SOS1: variants seen among roughly 807,000 people sequenced by gnomAD.
SOS1 encodes SOS Ras/Rac guanine nucleotide exchange factor 1.
Under a neutral mutation model 157.6 loss-of-function variants are expected in SOS1, and 25 were observed. The ratio of observed to expected loss-of-function variants is 0.16; its 90% CI spans 0.12 to 0.22. SOS1 has a LOEUF of 0.22. Among genes scored for constraint, SOS1 ranks in the 10% least tolerant of loss-of-function variants. SOS1 has a pLI of 1.00. For synonymous variants in SOS1, 528 were observed against 534.0 expected, an observed-to-expected ratio of 0.99 and a Z score of 0.16; for missense variants, 1,237 against 1,599.1, an observed-to-expected ratio of 0.77 and a Z score of 3.86.
chr2:39,010,369 A>C (rs754109849), intron 15 of SOS1, among the ~76,000 whole-genome samples: 2 of 151,510 alleles, frequency 1.3e-5, no homozygotes, highest in Non-Finnish European at 2.9e-5. Flanking sequence ...GGTGAGTGTG[A>C]TATCACACAC....
At chr2:38,995,021 C>T (rs1668845141) in intron 20 of SOS1, 102 bp downstream of exon 20, 1 of 932,648 alleles carries the variant, frequency 1.1e-6, no homozygotes, top group Admixed American at 1.9e-5. Flanking sequence ...TTTGACTTAA[C>T]TACAAGTTCA....
intron 22 of SOS1, 99 bp from the exon 23 acceptor site, chr2:38,986,414 G>A: frequency 8.6e-7 from 1 of 1,166,056 alleles, no homozygotes; most frequent in Non-Finnish European, 1.2e-6. Flanking sequence ...GCTATTGGCA[G>A]GATGCTAAGT....
At chr2:39,021,896 G>GA (rs990007130) in intron 10 of SOS1, among the ~76,000 whole-genome samples, 1 of 151,606 alleles carries the variant, frequency 6.6e-6, no homozygotes, top group Admixed American at 6.6e-5. Flanking sequence ...TCATACTACC[G>GA]AAAAATTGTA....
chr2:39,036,179 A>C (rs1670336675), intron 6 of SOS1, among the ~76,000 whole-genome samples: 1 of 152,196 alleles, frequency 6.6e-6, no homozygotes, highest in South Asian at 2.1e-4. Flanking sequence ...CTTGTATAAA[A>C]CTATTATGAA....
intron 1 of SOS1, among the ~76,000 whole-genome samples, chr2:39,084,046 G>A (rs951853660): frequency 2.0e-5 from 3 of 152,064 alleles, no homozygotes; most frequent in African/African-American, 7.2e-5. Flanking sequence ...GACAGACCAC[G>A]TGAAGAAACA....
chr2:39,040,049 T>C (rs1670508802), intron 6 of SOS1, among the ~76,000 whole-genome samples: 1 of 152,128 alleles, frequency 6.6e-6, no homozygotes, highest in African/African-American at 2.4e-5. Flanking sequence ...TCTTGCTCTG[T>C]CGCCCAGGCT....
chr2:39,035,909 T>C (rs569034860), intron 6 of SOS1, among the ~76,000 whole-genome samples: 37 of 152,216 alleles, frequency 2.4e-4, no homozygotes, highest in Non-Finnish European at 3.2e-4. Context: ...TAGTTCTCAG[T>C]GGTGGACATG....
At chr2:39,097,559 CTTT>C (rs141309255) in intron 1 of SOS1, among the ~76,000 whole-genome samples, 1 of 143,726 alleles carries the variant, frequency 7.0e-6, no homozygotes, top group Non-Finnish European at 1.5e-5. Flanking sequence ...TCTTTTTTTT[CTTT>C]TTTTTTTTTT....
At chr2:39,016,678 C>T (rs1669642481) in intron 10 of SOS1, among the ~76,000 whole-genome samples, 1 of 152,028 alleles carries the variant, frequency 6.6e-6, no homozygotes, top group Admixed American at 6.6e-5. Flanking sequence ...TCCAAGCATC[C>T]TTGACCTGTG....
chr2:39,014,782 C>T lies in SOS1; in HGVS notation c.1923G>A (p.Leu641=), dbSNP rs1669578571. 1 of 1,566,420 alleles carries T rather than the reference C, an allele frequency of 6.4e-7. No individual in the cohort carries two copies. The highest frequency in any genetic ancestry group is 8.8e-7 in the Non-Finnish European group (1 of 1,137,512). ...GGACAGACCTTTCTATTATAAGACT[C>T]AGTAGTTCTTGAGGTTTGCAAAAGG... ...YRSFCKPQEL[L]SLIIERFEIP... Residue 641 remains leucine, a synonymous_variant, in exon 11 of 23, where the codon CTG becomes CTA. Coordinates refer to ENST00000402219, the MANE Select transcript of SOS1 (RefSeq NM_005633.4).
rs545235409 is a variant in SOS1, at chr2:39,022,070, A to G, written c.1858+500T>C. Reference sequence around the variant, plus strand: ...ATTTCTAGGTGAAAAATTATAATAAAACTGGAATCCTTGGCTTCCAGGATT... The same window carrying G: ...ATTTCTAGGTGAAAAATTATAATAAGACTGGAATCCTTGGCTTCCAGGATT... On this transcript the variant is annotated intron_variant, in intron 10 of 22. Transcript: ENST00000402219. 2.5e-4 allele frequency among the ~76,000 whole-genome samples: 38 copies of G among 151,938 alleles called. 2 individuals are homozygous for G. In the South Asian group the frequency reaches 7.5e-3, roughly 30 times the overall value.
chr2:39,061,269 A>T (rs1293472370), intron 2 of SOS1, among the ~76,000 whole-genome samples: 1 of 142,678 alleles, frequency 7.0e-6, no homozygotes, highest in African/African-American at 2.6e-5. Flanking sequence ...AAAAAAAAAA[A>T]AGGTGTTTTG....
chr2:38,989,321 A>G lies in SOS1; in HGVS notation c.3347-7T>C. 6.3e-7 allele frequency: 1 copy of G among 1,597,406 alleles called. No homozygotes were observed. Among genetic ancestry groups the G allele is most frequent in the East Asian group, 2.2e-5 (1 of 44,680 alleles). On this transcript the variant is annotated splice_polypyrimidine_tract_variant and splice_region_variant and intron_variant, in intron 20 of 22. Transcript: ENST00000402219. The stretch of plus-strand genomic sequence containing the variant: ...ATAAAGACGGTATCATTGCCTGTGA[A>G]AGGAAACAAGAAAAAGTAGATTTTT...
At chr2:39,060,605 T>C (rs868199042) in intron 2 of SOS1, among the ~76,000 whole-genome samples, 11 of 152,214 alleles carry the variant, frequency 7.2e-5, no homozygotes, top group African/African-American at 2.4e-4. Context: ...TTTGTATTTT[T>C]AGTAGAGATG....
chr2:39,051,076 G>A, intron 6 of SOS1, 68 bp downstream of exon 6: 2 of 1,398,560 alleles, frequency 1.4e-6, no homozygotes, highest in Non-Finnish European at 2.0e-6. Flanking sequence ...AAAGAAGTAA[G>A]ACTCTCAATT....
chr2:39,053,697 G>C (rs188167424), intron 5 of SOS1, among the ~76,000 whole-genome samples: 1 of 152,190 alleles, frequency 6.6e-6, no homozygotes, highest in African/African-American at 2.4e-5. Context: ...TGTAATTCCT[G>C]TGACCGTCTC....
chr2:39,113,027 ACT>A (rs974504626), intron 1 of SOS1, among the ~76,000 whole-genome samples: 4 of 150,962 alleles, frequency 2.6e-5, no homozygotes, highest in Admixed American at 6.6e-5. Context: ...CAAGAGCAAG[ACT>A]CTGTCTCAAA....
chr2:39,087,028 G>A, intron 1 of SOS1, among the ~76,000 whole-genome samples: 1 of 152,096 alleles, frequency 6.6e-6, no homozygotes, highest in East Asian at 1.9e-4. Context: ...GGCCAGGCTG[G>A]TCTTGGAACT....
At chr2:39,030,531 C>T (rs938564200) in intron 8 of SOS1, among the ~76,000 whole-genome samples, 1 of 152,182 alleles carries the variant, frequency 6.6e-6, no homozygotes, top group Non-Finnish European at 1.5e-5. Context: ...GATCATACCA[C>T]TGCGCTCCAG....
Sources: gnomAD v4.1 joint callset for allele counts (sites outside exome capture counted in the v4.1 genomes callset) on GRCh38, gnomAD v4.1.1 for gene constraint, MANE v1.5 for transcripts, NCBI Gene and HGNC (gene_info 2026-07-23, HGNC 2026-07-21) for gene names.